OCRL: variants seen among roughly 807,000 people sequenced by gnomAD.
OCRL encodes inositol polyphosphate 5-phosphatase OCRL.
OCRL carries 8 observed loss-of-function variants against 78.9 expected under a neutral mutation model. The ratio of observed to expected loss-of-function variants is 0.10; its 90% CI spans 0.06 to 0.18. OCRL has a LOEUF of 0.18. Among genes scored for constraint, OCRL ranks in the 10% least tolerant of loss-of-function variants. The pLI is 1.00. For missense variants in OCRL, 454 were observed against 696.7 expected, an observed-to-expected ratio of 0.65 and a Z score of 3.92; for synonymous variants, 240 against 235.4, an observed-to-expected ratio of 1.02 and a Z score of -0.18.
In OCRL at chrX:129,557,972, C is replaced by T. The variant is rs1297260984; in HGVS notation, c.439+22C>T. ...TCAGGTACTAAAAAGTTCCTGGTTT[C>T]CTTGTTGCTATGGTCATTGCAGAGT... On this transcript the variant is annotated intron_variant, in intron 6 of 23. Coordinates refer to ENST00000371113, the MANE Select transcript of OCRL (RefSeq NM_000276.4). 6 of 1,004,469 alleles carry T rather than the reference C, an allele frequency of 6.0e-6. No individual in the cohort carries two copies. The South Asian group carries it at 7.6e-5, about 13-fold the overall frequency. 82.8% of individuals were successfully genotyped at this position (1,004,469 alleles called of 1,213,427 possible). A position where few individuals can be genotyped will look rare whatever the true frequency, so the allele number is the denominator to read the frequency against.
At chrX:129,558,574 C>G in intron 6 of OCRL, 59 bp from the exon 7 acceptor site, 2 of 1,184,008 alleles carry the variant, frequency 1.7e-6, no homozygotes, top group Non-Finnish European at 2.3e-6. Context: ...CCCTGTTACC[C>G]TGGATATGTT....
intron 4 of OCRL, among the ~76,000 whole-genome samples, chrX:129,556,411 T>C (rs1237945842): frequency 9.0e-6 from 1 of 111,616 alleles, no homozygotes; most frequent in African/African-American, 3.3e-5. Context: ...CCTAGACTCC[T>C]GAAAGTGCTG....
intron 10 of OCRL, 51 bp downstream of exon 10, chrX:129,561,344 C>T (rs377440580): frequency 1.5e-5 from 11 of 744,091 alleles, no homozygotes; most frequent in South Asian, 4.2e-5. Flanking sequence ...TAGGGCTCAC[C>T]GGGAGTTATT....
At chrX:129,581,798 T>C (rs961553203) in intron 18 of OCRL, among the ~76,000 whole-genome samples, 2 of 97,374 alleles carry the variant, frequency 2.1e-5, no homozygotes, top group Non-Finnish European at 4.1e-5. Flanking sequence ...CTGCTTGACC[T>C]ACCTCGGTAG....
chrX:129,584,570 G>C (rs1381230570), intron 19 of OCRL, among the ~76,000 whole-genome samples: 2 of 111,864 alleles, frequency 1.8e-5, no homozygotes, highest in Non-Finnish European at 3.8e-5. Context: ...TTGAGACTCA[G>C]TACATAAAAA....
intron 18 of OCRL, among the ~76,000 whole-genome samples, chrX:129,580,067 C>T (rs1179956821): frequency 8.9e-6 from 1 of 112,288 alleles, no homozygotes; most frequent in African/African-American, 3.2e-5. Flanking sequence ...GACTGACCAG[C>T]TAATCCCTAT....
chrX:129,588,181 G>A lies in OCRL; in HGVS notation c.2259G>A (p.Glu753=). The A allele has an allele frequency of 8.4e-7, 1 of 1,193,617 alleles. No individual in the cohort carries two copies. The highest frequency in any genetic ancestry group is 1.1e-6 in the Non-Finnish European group (1 of 879,126). ...DHLFKYACHQ[E]DLFQTPGMQE... The stretch of plus-strand genomic sequence containing the variant: ...CTTCATTCTGACTTCTTTGGTAGGA[G>A]GACCTGTTCCAGACCCCTGGAATGC... Residue 753 remains glutamate (E), a splice_region_variant and synonymous_variant, in exon 21 of 24, where the codon GAG becomes GAA. Coordinates refer to ENST00000371113, the MANE Select transcript of OCRL (RefSeq NM_000276.4).
At chrX:129,540,594 G>T (rs1431810512) in intron 1 of OCRL, 116 bp downstream of exon 1, 1 of 874,359 alleles carries the variant, frequency 1.1e-6, no homozygotes, top group Non-Finnish European at 1.6e-6. Flanking sequence ...CGAGCAGAGA[G>T]GGGGAGGGGG....
At position 129,590,205 on chromosome X, in the gene OCRL, C is replaced by G. The variant is rs1166273405; in HGVS notation, c.2641C>G (p.Pro881Ala). 8.3e-6 allele frequency: 10 copies of G among 1,211,525 alleles called. No homozygotes were observed. Among genetic ancestry groups the G allele is most frequent in the Non-Finnish European group, 1.1e-5 (10 of 895,319 alleles). ...PPPNLMARQT[P>A]SDRQRAIQFL... ...ACCCAACCTTATGGCAAGACAGACT[C>G]CAAGTGACCGCCAGCGTGCTATTCA... Residue 881 changes from proline (P) to alanine (A), a missense_variant, in exon 24 of 24, where the codon CCA becomes GCA. Physicochemically the swap from Pro to Ala is conservative, Grantham distance 27. Around this residue, in one of 2 missense-constraint regions of OCRL, gnomAD observed 277 missense variants for 517.1 expected, o/e 0.54. Transcript: ENST00000371113.
At chrX:129,548,778 A>G (rs1418346788) in intron 4 of OCRL, among the ~76,000 whole-genome samples, 177 bp downstream of exon 4, 2 of 112,466 alleles carry the variant, frequency 1.8e-5, no homozygotes, top group African/African-American at 3.2e-5. Context: ...TAAGCCTAAG[A>G]AAAAGCAGGT....
At chrX:129,579,365 A>G (rs1447707132) in intron 18 of OCRL, among the ~76,000 whole-genome samples, 1 of 111,727 alleles carries the variant, frequency 9.0e-6, no homozygotes, top group African/African-American at 3.3e-5. Flanking sequence ...TCGTATTTCA[A>G]ATCTCATGAG....
intron 6 of OCRL, 140 bp downstream of exon 6, chrX:129,558,090 A>G: frequency 1.9e-6 from 1 of 523,187 alleles, no homozygotes; most frequent in Non-Finnish European, 3.5e-6. Context: ...GTCCAGGCCC[A>G]CTGACCAGTG....
At chrX:129,588,354 T>A in intron 21 of OCRL, 91 bp downstream of exon 21, 2 of 640,338 alleles carry the variant, frequency 3.1e-6, no homozygotes, top group Non-Finnish European at 5.1e-6. Context: ...GTTCTATATT[T>A]ATTTTCTTTG....
In OCRL at chrX:129,565,848, A is replaced by G. The variant is rs1174203513; in HGVS notation, c.1321A>G (p.Lys441Glu). 1.7e-6 allele frequency: 2 copies of G among 1,202,646 alleles called. No homozygotes were observed. The highest frequency in any genetic ancestry group is 2.3e-6 in the Non-Finnish European group (2 of 888,710). ...DANEVKSLIN[K>E]KDLQRLLKFD... is the part of the protein sequence containing the mutation. ...CAATGAGGTGAAAAGTCTTATTAAT[A>G]AGAAAGACCTTCAGAGACTCTTGAA... Residue 441 changes from lysine (K) to glutamate (E), a missense_variant, in exon 13 of 24, where the codon AAG becomes GAG. Physicochemically the swap from Lys to Glu is moderately conservative, Grantham distance 56. Coordinates refer to ENST00000371113, the MANE Select transcript of OCRL (RefSeq NM_000276.4).
Position 129,562,378 on chromosome X carries a change from T to G in OCRL, c.940-6T>G. The G allele has an allele frequency of 3.4e-6, 4 of 1,189,202 alleles. No individual in the cohort carries two copies. The highest frequency in any genetic ancestry group is 3.4e-6 in the Non-Finnish European group (3 of 874,713). ...TTAACCTTTTGTAACTCCCCGGAACTCATAGGTTCAACTGGTGCGCCTTGT... is the reference window on the plus strand; with the variant it reads ...TTAACCTTTTGTAACTCCCCGGAACGCATAGGTTCAACTGGTGCGCCTTGT... On this transcript the variant is annotated splice_region_variant and splice_polypyrimidine_tract_variant and intron_variant, in intron 10 of 23. Coordinates refer to ENST00000371113, the MANE Select transcript of OCRL (RefSeq NM_000276.4).
rs753823097 is a variant in OCRL, at chrX:129,547,512, A to G, written c.200-1051A>G. Among the ~76,000 whole-genome samples, 849 of 97,224 alleles carry G rather than the reference A, an allele frequency of 8.7e-3. 5 individuals carry two copies. Among genetic ancestry groups the G allele is most frequent in the Non-Finnish European group, 0.012 (579 of 48,775 alleles). The allele number at this position is 97,224 out of a possible 115,157, so 84.4% of individuals were successfully genotyped here. On this transcript the variant is annotated intron_variant, in intron 3 of 23. Transcript: ENST00000371113. ...TGCACTCCAGCCTGGGTGACAGAGC[A>G]AGACTCCGTCTCAAAAAAAAAAAAA...
intron 4 of OCRL, chrX:129,554,372 G>A (rs1936009287): frequency 9.0e-6 from 1 of 111,120 alleles, no homozygotes; most frequent in Non-Finnish European, 1.9e-5. Context: ...TGTTGACTGG[G>A]TTTTCTGTGC....
intron 4 of OCRL, among the ~76,000 whole-genome samples, chrX:129,551,850 T>C (rs926608855): frequency 2.7e-5 from 3 of 111,884 alleles, no homozygotes; most frequent in Non-Finnish European, 5.6e-5. Context: ...GACATTTAAA[T>C]TGAGACCAGA....
intron 15 of OCRL, among the ~76,000 whole-genome samples, chrX:129,572,744 T>TA (rs1936318273): frequency 2.7e-5 from 3 of 110,914 alleles, no homozygotes; most frequent in Non-Finnish European, 5.6e-5. Context: ...TAGAGAGCTT[T>TA]AAAAAAAGTG....
Sources: gnomAD v4.1 joint callset for allele counts (sites outside exome capture counted in the v4.1 genomes callset) on GRCh38, gnomAD v4.1.1 for gene constraint, gnomAD v4.1.1 regional missense constraint, MANE v1.5 for transcripts, NCBI Gene and HGNC (gene_info 2026-07-23, HGNC 2026-07-21) for gene names.